IQGAP3: variants seen among roughly 807,000 people sequenced by gnomAD.
IQGAP3 encodes ras GTPase-activating-like protein IQGAP3.
IQGAP3 carries 165 observed loss-of-function variants against 208.2 expected under a neutral mutation model. The observed-to-expected ratio is 0.79, with a 90% CI of 0.70 to 0.90. The LOEUF (loss-of-function observed/expected upper bound fraction) is 0.90, where lower values mean the gene tolerates loss of function less well. Ranked by LOEUF, IQGAP3 falls within the 40% of genes least tolerant of loss-of-function variation. The pLI, the probability that IQGAP3 is intolerant of heterozygous loss-of-function variation, is 0.00. For missense variants in IQGAP3, 1,811 were observed against 2,043.1 expected (o/e 0.89, Z 2.19); for synonymous variants, 703 against 803.6 (o/e 0.87, Z 2.12).
At chr1:156,555,231 T>C (rs12760461) in intron 12 of IQGAP3, among the ~76,000 whole-genome samples, 75,190 of 151,952 alleles carry the variant, frequency 0.49, 21,274 homozygotes, top group Non-Finnish European at 0.64. Flanking sequence ...TAGAGCACCC[T>C]TCCTATTTTC....
At chr1:156,546,468 G>T (rs539980620) in intron 19 of IQGAP3, among the ~76,000 whole-genome samples, 3 of 152,262 alleles carry the variant, frequency 2.0e-5, no homozygotes, top group Admixed American at 2.0e-4. Flanking sequence ...TGAAATTCCA[G>T]ACTGGGCTCA....
chr1:156,556,742 A>T, intron 11 of IQGAP3, 49 bp from the exon 12 acceptor site: 1 of 1,460,654 alleles, frequency 6.8e-7, no homozygotes, highest in Non-Finnish European at 9.1e-7. Flanking sequence ...ATTCAGTGGC[A>T]TCTCCACTCT....
intron 4 of IQGAP3, 127 bp from the exon 5 acceptor site, chr1:156,564,818 G>C (rs189637623): frequency 1.5e-6 from 1 of 684,334 alleles, no homozygotes; most frequent in African/African-American, 1.8e-5. Context: ...TACCTGGGGT[G>C]TCTAGGTCAG....
Position 156,548,265 on chromosome 1 carries a change from G to A in IQGAP3, c.2134-22C>T, listed in dbSNP as rs547339041. ...CTGACTGTGGAGGCAGGAGAGAGAC[G>A]CTGTGGTCTTTTGGGGAGTGGGAGC... On this transcript the variant is annotated intron_variant, in intron 18 of 37. Transcript: ENST00000361170. 2.1e-5 allele frequency: 34 copies of A among 1,610,864 alleles called. No individual in the cohort carries two copies. The South Asian group carries it at 2.2e-4, about 10-fold the overall frequency.
intron 11 of IQGAP3, among the ~76,000 whole-genome samples, chr1:156,557,439 G>A (rs1456558064): frequency 1.7e-4 from 3 of 17,352 alleles, no homozygotes; most frequent in African/African-American, 3.2e-4. Context: ...GGGAGGTGGG[G>A]GGGGTCAGCC....
intron 2 of IQGAP3, among the ~76,000 whole-genome samples, 163 bp from the exon 3 acceptor site, chr1:156,566,709 G>A (rs1207481959): frequency 1.3e-5 from 2 of 151,922 alleles, no homozygotes; most frequent in Non-Finnish European, 2.9e-5. Context: ...TTGCCTGGCT[G>A]TTCCCACCTT....
Position 156,562,019 on chromosome 1 carries a change from C to G in IQGAP3, c.878-18G>C. The stretch of plus-strand genomic sequence containing the variant: ...CCCATGGACTGAAAAAAAATGACTC[C>G]ATAATGGACAGTGTGAGAAAGCCAC... On this transcript the variant is annotated intron_variant, in intron 9 of 37. Coordinates refer to ENST00000361170, the MANE Select transcript of IQGAP3 (RefSeq NM_178229.5). 1.9e-6 allele frequency: 3 copies of G among 1,586,312 alleles called. No individual in the cohort carries two copies. Among genetic ancestry groups the G allele is most frequent in the Non-Finnish European group, 2.6e-6 (3 of 1,165,836 alleles).
rs779762890 is a variant in IQGAP3 at position 156,551,974 on chromosome 1, G to T, written c.1570C>A (p.Arg524=). The change falls in exon 14 of 38, where the codon CGG becomes AGG. Residue 524 remains arginine, a splice_region_variant and synonymous_variant. Coordinates refer to ENST00000361170, the MANE Select transcript of IQGAP3 (RefSeq NM_178229.5). Reference sequence around the variant, plus strand: ...CCACCCAGCTCCAGACTATACTTACGGTCAGTCTCTTCCTGGGTCTGTGCA... The same window carrying T: ...CCACCCAGCTCCAGACTATACTTACTGTCAGTCTCTTCCTGGGTCTGTGCA... ...VNAQTQEETD[R]VLAVSLINEA... 1 of 1,613,602 alleles carries T rather than the reference G, an allele frequency of 6.2e-7. No individual in the cohort carries two copies. The highest frequency in any genetic ancestry group is 1.3e-5 in the African/African-American group (1 of 75,028).
chr1:156,565,846 G>A (rs1034253361), intron 4 of IQGAP3, among the ~76,000 whole-genome samples, 181 bp downstream of exon 4: 5 of 152,284 alleles, frequency 3.3e-5, no homozygotes, highest in Admixed American at 2.6e-4. Context: ...GGAAGAGGAG[G>A]CAGAGAAAAA....
chr1:156,533,224 C>T (rs1407930453), intron 31 of IQGAP3, 118 bp from the exon 32 acceptor site: 2 of 1,346,074 alleles, frequency 1.5e-6, no homozygotes, highest in African/African-American at 2.9e-5. Context: ...CCACATGCCC[C>T]TCTTCCAGGA....
chr1:156,535,128 G>T, intron 28 of IQGAP3, 35 bp downstream of exon 28: 1 of 1,453,498 alleles, frequency 6.9e-7, no homozygotes, highest in Non-Finnish European at 9.7e-7. Context: ...AGCAAAGGAG[G>T]GATTGGGAGG....
chr1:156,553,459 T>G (rs749000264), intron 13 of IQGAP3, among the ~76,000 whole-genome samples: 17 of 151,180 alleles, frequency 1.1e-4, no homozygotes, highest in Non-Finnish European at 2.2e-4. Context: ...AATGACCTCC[T>G]CAGCAAAGAG....
intron 37 of IQGAP3, among the ~76,000 whole-genome samples, 197 bp from the exon 38 acceptor site, chr1:156,526,796 T>C (rs1674087645): frequency 6.6e-6 from 1 of 152,152 alleles, no homozygotes; most frequent in Admixed American, 6.5e-5. Flanking sequence ...AAATGTCAAC[T>C]CAAGCAGAAC....
chr1:156,556,493 A>G, intron 12 of IQGAP3, 40 bp downstream of exon 12: 1 of 1,609,954 alleles, frequency 6.2e-7, no homozygotes, highest in South Asian at 1.1e-5. Context: ...CTCCAGCTGC[A>G]TGGAGACTGC....
At chr1:156,529,199 G>T in intron 34 of IQGAP3, 117 bp from the exon 35 acceptor site, 1 of 1,133,094 alleles carries the variant, frequency 8.8e-7, no homozygotes, top group African/African-American at 1.6e-5. Flanking sequence ...CAGGCTTCAA[G>T]GCTGTTTTCC....
Position 156,534,015 on chromosome 1 carries a change from C to G in IQGAP3, c.3867G>C (p.Thr1289=), listed in dbSNP as rs771956556. Residue 1289 remains threonine, a synonymous_variant, in exon 30 of 38, where the codon ACG becomes ACC. Coordinates refer to ENST00000361170, the MANE Select transcript of IQGAP3 (RefSeq NM_178229.5). ...CCAGATCTCAGCCCCTCACCCTGTGCGTGTTGACCAGCTCCCCCACGGTGA... is the reference window on the plus strand; with the variant it reads ...CCAGATCTCAGCCCCTCACCCTGTGGGTGTTGACCAGCTCCCCCACGGTGA... The part of the protein sequence containing the change: ...VYITVGELVN[T]HRLLLEHQDC... The G allele has an allele frequency of 6.2e-7, 1 of 1,613,534 alleles. No homozygotes were observed. Among genetic ancestry groups the G allele is most frequent in the Non-Finnish European group, 8.5e-7 (1 of 1,180,014 alleles).
chr1:156,541,432 C>G (rs1167674109), intron 22 of IQGAP3, among the ~76,000 whole-genome samples: 3 of 152,032 alleles, frequency 2.0e-5, no homozygotes, highest in Non-Finnish European at 4.4e-5. Context: ...TAGGGGAGGT[C>G]AGAGCTAGCT....
chr1:156,569,294 C>T (rs1571370072), intron 2 of IQGAP3, 82 bp downstream of exon 2: 2 of 843,014 alleles, frequency 2.4e-6, no homozygotes, highest in African/African-American at 1.7e-5. Context: ...CGATCTGTTG[C>T]ATTTGCTTTA....
At chr1:156,557,444 T>G (rs1388865752) in intron 11 of IQGAP3, among the ~76,000 whole-genome samples, 1 of 7,390 alleles carries the variant, frequency 1.4e-4, no homozygotes, top group Non-Finnish European at 5.5e-4. Context: ...GTGGGGGGGG[T>G]CAGCCCCCCG....
Sources: allele counts gnomAD v4.1 joint callset (sites outside exome capture counted in the v4.1 genomes callset), GRCh38; gene constraint gnomAD v4.1.1; transcripts MANE v1.5; gene names NCBI Gene and HGNC (gene_info 2026-07-23, HGNC 2026-07-21).